RNF123: variants seen among roughly 807,000 people sequenced by gnomAD.
RNF123 encodes the protein E3 ubiquitin-protein ligase RNF123.
RNF123 carries 86 observed loss-of-function variants against 168.5 expected under a neutral mutation model. That is an observed-to-expected ratio of 0.51 (90% CI 0.43 to 0.61). The LOEUF is 0.61. Ranked by LOEUF, RNF123 falls within the 20% of genes least tolerant of loss-of-function variation. The pLI, the probability that RNF123 is intolerant of heterozygous loss-of-function variation, is 0.00. For missense variants in RNF123, 1,419 were observed against 1,729.7 expected, an observed-to-expected ratio of 0.82 and a Z score of 3.19; for synonymous variants, 666 against 689.1, an observed-to-expected ratio of 0.97 and a Z score of 0.52.
chr3:49,712,679 G>C (rs1575536431), intron 27 of RNF123, 23 bp downstream of exon 27: 2 of 1,613,914 alleles, frequency 1.2e-6, no homozygotes, highest in East Asian at 4.5e-5. Flanking sequence ...TTCAGGCTGA[G>C]GCAGAAGCAG....
chr3:49,699,649 C>T lies in RNF123; in HGVS notation c.880-19C>T, dbSNP rs753452401. 1.2e-6 allele frequency: 2 copies of T among 1,613,332 alleles called. No homozygotes were observed. Among genetic ancestry groups the T allele is most frequent in the Non-Finnish European group, 1.7e-6 (2 of 1,179,620 alleles). On this transcript the variant is annotated intron_variant, in intron 11 of 38. Coordinates refer to ENST00000327697, the MANE Select transcript of RNF123 (RefSeq NM_022064.5). The surrounding 1 kb of genome is among the most constrained non-coding windows in gnomAD (Gnocchi z 4.8). Reference sequence around the variant, plus strand: ...AGCCTCCTGCCCCTCACACTTCTCCCTCCTCCCCCTCCACACAGGAGGGGC... The same window carrying T: ...AGCCTCCTGCCCCTCACACTTCTCCTTCCTCCCCCTCCACACAGGAGGGGC...
At position 49,715,936 on chromosome 3, in the gene RNF123, A is replaced by G. The variant is rs772027733; in HGVS notation, c.3265A>G (p.Ile1089Val). Reference sequence around the variant, plus strand: ...CCTGCTGCGTGTCTTGGAGATGACTATCACACTGGTGCCTGAGATATTCCT... The same window carrying G: ...CCTGCTGCGTGTCTTGGAGATGACTGTCACACTGGTGCCTGAGATATTCCT... ...VSLLRVLEMT[I>V]TLVPEIFLDW... Residue 1089 changes from isoleucine to valine, a missense_variant, in exon 33 of 39, where the codon ATC (isoleucine) becomes GTC (valine). Physicochemically the swap from Ile to Val is conservative, Grantham distance 29 (BLOSUM62 3). Around this residue, in one of 5 missense-constraint regions of RNF123, gnomAD observed 538 missense variants for 708.8 expected, o/e 0.76. Coordinates refer to ENST00000327697, the MANE Select transcript of RNF123 (RefSeq NM_022064.5). 38 of 1,613,948 alleles carry G rather than the reference A, an allele frequency of 2.4e-5. No homozygotes were observed. Among genetic ancestry groups the G allele is most frequent in the South Asian group, 9.9e-5 (9 of 91,092 alleles).
Position 49,720,819 on chromosome 3 carries a change from C to G in RNF123, c.3663C>G (p.Ala1221=). 2.5e-6 allele frequency: 4 copies of G among 1,614,164 alleles called. No homozygotes were observed. The highest frequency in any genetic ancestry group is 2.5e-6 in the Non-Finnish European group (3 of 1,180,028). The stretch of plus-strand genomic sequence containing the variant: ...CCCCAGATGCGGATTATATCAGTGC[C>G]GATGAGCTGGCCCAAGTGGAACAGA... ...SLQSYADYIS[A]DELAQVEQML... The change falls in exon 37 of 39, where the codon GCC becomes GCG. Residue 1221 remains alanine (A), a synonymous_variant. Coordinates refer to ENST00000327697, the MANE Select transcript of RNF123 (RefSeq NM_022064.5).
chr3:49,703,616 C>A, intron 21 of RNF123, 88 bp downstream of exon 21: 1 of 1,039,522 alleles, frequency 9.6e-7, no homozygotes, highest in Non-Finnish European at 1.4e-6. Context: ...GCTGAGCCAT[C>A]CTATGGCCAC....
chr3:49,701,944 G>GGT (rs751038149), intron 17 of RNF123, 34 bp downstream of exon 17: 3 of 1,554,334 alleles, frequency 1.9e-6, no homozygotes, highest in African/African-American at 1.4e-5. Context: ...TAGGGTGGGA[G>GGT]GTGTGTGTGT....
At chr3:49,719,320 C>T (rs1282057275) in intron 35 of RNF123, 1 of 1,613,214 alleles carries the variant, frequency 6.2e-7, no homozygotes, top group Non-Finnish European at 8.5e-7. Flanking sequence ...CAGCCCTAGG[C>T]CAGTGCAGCT....
chr3:49,714,529 C>A lies in RNF123; in HGVS notation c.3010+355C>A, dbSNP rs142786034. ...GCCCTTTAAGCTAGCTCCCTGACCT[C>A]CAGCCTTGTCCCAGCACCATGTCCT... On this transcript the variant is annotated intron_variant, in intron 31 of 38. Coordinates refer to ENST00000327697, the MANE Select transcript of RNF123 (RefSeq NM_022064.5). Among the ~76,000 whole-genome samples, 35 of 152,364 alleles carry A rather than the reference C, an allele frequency of 2.3e-4. No individual in the cohort carries two copies. The East Asian group carries it at 6.4e-3, about 28-fold the overall frequency.
chr3:49,698,570 C>G, intron 8 of RNF123, 44 bp downstream of exon 8: 1 of 1,601,866 alleles, frequency 6.2e-7, no homozygotes, highest in South Asian at 1.1e-5. Context: ...ATGACTGTTA[C>G]TACAGCTTAT....
intron 21 of RNF123, among the ~76,000 whole-genome samples, chr3:49,704,436 C>T (rs1459188430): frequency 3.3e-5 from 5 of 152,096 alleles, no homozygotes; most frequent in Admixed American, 3.3e-4. Context: ...ATGGGGAAGG[C>T]CTCCTGTTAC....
chr3:49,703,588 G>A (rs769809877), intron 21 of RNF123, 60 bp downstream of exon 21: 38 of 1,395,436 alleles, frequency 2.7e-5, no homozygotes, highest in Non-Finnish European at 3.8e-5. Flanking sequence ...CTGTCCCTGA[G>A]CCTGCTCTGC....
At position 49,713,734 on chromosome 3, in the gene RNF123, G is replaced by A. The variant is rs377714575; in HGVS notation, c.2750-4G>A. On this transcript the variant is annotated splice_polypyrimidine_tract_variant and splice_region_variant and intron_variant, in intron 28 of 38. Transcript: ENST00000327697. ...CCCTGCTGAGGCACGGTGTGTCCCC[G>A]CAGACATCCGAGACTCACTGATGCA... 6.0e-5 allele frequency: 95 copies of A among 1,596,560 alleles called. No homozygotes were observed. In the African/African-American group the frequency reaches 7.1e-4, roughly 12 times the overall value.
chr3:49,701,764 T>C (rs1458317055), intron 16 of RNF123, 47 bp from the exon 17 acceptor site: 1 of 1,534,138 alleles, frequency 6.5e-7, no homozygotes, highest in East Asian at 2.4e-5. Context: ...GAGGCCTGGC[T>C]AGGTCCCAGG....
Position 49,705,102 on chromosome 3 carries a change from T to C in RNF123, c.2078T>C (p.Met693Thr). 1 of 1,611,436 alleles carries C rather than the reference T, an allele frequency of 6.2e-7. No homozygotes were observed. Among genetic ancestry groups the C allele is most frequent in the East Asian group, 2.2e-5 (1 of 44,782 alleles). ...RFLSTAAVSL[M>T]TPRRPLSTSE... ...CTCAGCACAGCGGCTGTGAGCCTCA[T>C]GACCCCACGGCGGCCTCTGAGCACC... The change falls in exon 23 of 39, where the codon ATG (methionine) becomes ACG (threonine). Residue 693 changes from methionine to threonine, a missense_variant. By Grantham distance (81) the Met-to-Thr change is moderately conservative. Coordinates refer to ENST00000327697, the MANE Select transcript of RNF123 (RefSeq NM_022064.5).
At chr3:49,701,705 C>T (rs920484947) in intron 16 of RNF123, 97 bp downstream of exon 16, 4 of 1,455,794 alleles carry the variant, frequency 2.7e-6, no homozygotes, top group Admixed American at 3.5e-5. Context: ...TTTTCACTGG[C>T]CCTGGTCCCT....
In RNF123 at chr3:49,699,331, A is replaced by C; in HGVS notation, c.765-137A>C. On this transcript the variant is annotated intron_variant, in intron 10 of 38. Coordinates refer to ENST00000327697, the MANE Select transcript of RNF123 (RefSeq NM_022064.5). This position sits in a 1 kb window ranked among gnomAD's most constrained non-coding sequence, Gnocchi z 4.8. The stretch of plus-strand genomic sequence containing the variant: ...ATGAGGAATGTGAAGCATCCTCCCT[A>C]GGGAGAATAAGTGGGCAAGTTGTGA... 1.1e-6 allele frequency: 1 copy of C among 933,660 alleles called. No individual in the cohort carries two copies. The highest frequency in any genetic ancestry group is 1.6e-6 in the Non-Finnish European group (1 of 613,398). The allele number at this position is 933,660 out of a possible 1,614,324, so 57.8% of individuals were successfully genotyped here.
chr3:49,719,451 C>T lies in RNF123; in HGVS notation c.3501-1060C>T, dbSNP rs1257413630. The T allele has an allele frequency of 2.5e-6, 4 of 1,612,542 alleles. No individual in the cohort carries two copies. The South Asian group carries it at 4.4e-5, about 18-fold the overall frequency. On this transcript the variant is annotated intron_variant, in intron 35 of 38. Transcript: ENST00000327697. ...GCATGCAGAGCAGTGTCCCCAGCAGCACCAACCAGGTCATGGCGGCGACCA... is the reference window on the plus strand; with the variant it reads ...GCATGCAGAGCAGTGTCCCCAGCAGTACCAACCAGGTCATGGCGGCGACCA...
intron 15 of RNF123, 51 bp downstream of exon 15, chr3:49,700,760 TCAG>T: frequency 6.3e-7 from 1 of 1,585,942 alleles, no homozygotes; most frequent in African/African-American, 1.3e-5. Context: ...CCCTCTGGAC[TCAG>T]CAGAGGCCAG....
intron 27 of RNF123, 171 bp downstream of exon 27, chr3:49,712,827 C>T: frequency 1.3e-6 from 1 of 768,912 alleles, no homozygotes; most frequent in Non-Finnish European, 2.2e-6. Flanking sequence ...CTGCACCCTG[C>T]CCTGGGACCT....
At chr3:49,702,605 A>G (rs1236294947) in intron 19 of RNF123, 28 bp from the exon 20 acceptor site, 2 of 1,614,178 alleles carry the variant, frequency 1.2e-6, no homozygotes, top group South Asian at 2.2e-5. Flanking sequence ...ACTGGCACCA[A>G]TGCATGTTTC....
Sources: allele counts gnomAD v4.1 joint callset (sites outside exome capture counted in the v4.1 genomes callset), GRCh38; gene constraint gnomAD v4.1.1; regional missense constraint gnomAD v4.1.1; non-coding constraint Gnocchi (gnomAD v3.1); transcripts MANE v1.5; gene names NCBI Gene and HGNC (gene_info 2026-07-23, HGNC 2026-07-21).